Variants in CROCC observed in about 807,000 individuals in gnomAD.
CROCC encodes rootletin.
Under a neutral mutation model 245.2 loss-of-function variants are expected in CROCC, and 180 were observed. The observed-to-expected ratio is 0.73, with a 90% CI of 0.65 to 0.83. The LOEUF (loss-of-function observed/expected upper bound fraction) is 0.83, where lower values mean the gene tolerates loss of function less well. Ranked by LOEUF, CROCC falls within the 40% of genes least tolerant of loss-of-function variation. The probability of loss-of-function intolerance (pLI) is 0.00; values close to 1 mark genes in which losing one functional copy is unlikely to be tolerated. For synonymous variants in CROCC, 1,205 were observed against 1,241.6 expected (o/e 0.97, Z 0.62); for missense variants, 2,688 against 2,779.4 (o/e 0.97, Z 0.74).
rs757438101 is a variant in CROCC at position 16,939,028 on chromosome 1, C to G, written c.1494C>G (p.Arg498=). Residue 498 remains arginine, a synonymous_variant, in exon 12 of 37, where the codon CGC becomes CGG. Transcript: ENST00000375541. ...SGQRTPSPPR[R]SSPGRGRSPR... is the part of the protein sequence containing the mutation. Reference sequence around the variant, plus strand: ...AGCGGACCCCGTCCCCACCGCGGCGCTCCTCGCCCGGCCGAGGCCGTTCAC... The same window carrying G: ...AGCGGACCCCGTCCCCACCGCGGCGGTCCTCGCCCGGCCGAGGCCGTTCAC... 1 of 1,597,692 alleles carries G rather than the reference C, an allele frequency of 6.3e-7. No homozygotes were observed. Among genetic ancestry groups the G allele is most frequent in the Non-Finnish European group, 8.5e-7 (1 of 1,174,810 alleles).
At position 16,930,115 on chromosome 1, in the gene CROCC, C is replaced by A. The variant is rs370828942; in HGVS notation, c.538-9C>A. On this transcript the variant is annotated splice_polypyrimidine_tract_variant and intron_variant, in intron 4 of 36. Coordinates refer to ENST00000375541, the MANE Select transcript of CROCC (RefSeq NM_014675.5). ...CCCCTGGGGCTCACCATCAGCTCCC[C>A]ATCCCCAGATTCTCCAGTACAAGAA... is the stretch of plus-strand genomic sequence containing the variant. 1.6e-4 allele frequency: 251 copies of A among 1,587,430 alleles called. No homozygotes were observed. Among genetic ancestry groups the A allele is most frequent in the East Asian group, 4.3e-4 (19 of 43,874 alleles).
chr1:16,954,913 C>G lies in CROCC; in HGVS notation c.3465+36C>G. 6.7e-7 allele frequency: 1 copy of G among 1,484,644 alleles called. No homozygotes were observed. The highest frequency in any genetic ancestry group is 9.0e-7 in the Non-Finnish European group (1 of 1,108,632). The allele number at this position is 1,484,644 out of a possible 1,614,324, so 92.0% of individuals were successfully genotyped here. ...GCCCCCCTCTTCCAAGCAGCATACCCTAAATGGCACTGTGTGCCTGGGGGC... is the reference window on the plus strand; with the variant it reads ...GCCCCCCTCTTCCAAGCAGCATACCGTAAATGGCACTGTGTGCCTGGGGGC... On this transcript the variant is annotated intron_variant, in intron 23 of 36. Transcript: ENST00000375541. The surrounding 1 kb of genome is among the most constrained non-coding windows in gnomAD (Gnocchi z 4.4).
chr1:16,965,811 C>T lies in CROCC; in HGVS notation c.4494C>T (p.Ala1498=), dbSNP rs1317692858. The T allele has an allele frequency of 1.2e-6, 2 of 1,613,852 alleles. No individual in the cohort carries two copies. Among genetic ancestry groups the T allele is most frequent in the South Asian group, 2.2e-5 (2 of 91,088 alleles). The change falls in exon 28 of 37, where the codon GCC becomes GCT. Residue 1498 remains alanine (A), a synonymous_variant. Coordinates refer to ENST00000375541, the MANE Select transcript of CROCC (RefSeq NM_014675.5). ...CTCCAGGACCTGCCACCTCCCCAGC[C>T]TCTCCAGACCTGGACCCGGAGGCAG... The part of the protein sequence containing the change: ...PPSPGPATSP[A]SPDLDPEAVR...
At chr1:16,924,688 C>T (rs1337969202) in intron 3 of CROCC, among the ~76,000 whole-genome samples, 1 of 152,244 alleles carries the variant, frequency 6.6e-6, no homozygotes, top group Non-Finnish European at 1.5e-5. Context: ...TGTAATGGGA[C>T]GTGGAATTGT....
chr1:16,935,272 G>C (rs1454611857), intron 8 of CROCC, among the ~76,000 whole-genome samples: 1 of 152,202 alleles, frequency 6.6e-6, no homozygotes, highest in Non-Finnish European at 1.5e-5. Flanking sequence ...CACACACAGA[G>C]ACACACAGAC....
At chr1:16,934,492 A>T (rs1376561945) in intron 8 of CROCC, among the ~76,000 whole-genome samples, 1 of 152,218 alleles carries the variant, frequency 6.6e-6, no homozygotes, top group Non-Finnish European at 1.5e-5. Context: ...TTTTAGAGAC[A>T]GGGTCTTGCC....
chr1:16,932,546 GGTCAGAAAAACCACTTTGTGGAGATGGAA>G, intron 8 of CROCC, among the ~76,000 whole-genome samples: 1 of 152,258 alleles, frequency 6.6e-6, no homozygotes, highest in African/African-American at 2.4e-5. Context: ...GGGGTGGGGA[GGTCAGAAAAACCACTTTGTGGAGATGGAA>G]TTTGCACAGA....
In CROCC at chr1:16,954,360, AG is replaced by A; in HGVS notation, c.3321+6del. 1 of 1,609,272 alleles carries A rather than the reference AG, an allele frequency of 6.2e-7. No homozygotes were observed. ...AGAGCCGGCAGGAGCAGGACCGGGTAGGGCAGGCTGGGCAGCTGGGCCTCTG... is the reference window on the plus strand; with the variant it reads ...AGAGCCGGCAGGAGCAGGACCGGGTAGGCAGGCTGGGCAGCTGGGCCTCTG... On this transcript the variant is annotated splice_donor_region_variant and intron_variant, in intron 22 of 36. Coordinates refer to ENST00000375541, the MANE Select transcript of CROCC (RefSeq NM_014675.5). This position sits in a 1 kb window ranked among gnomAD's most constrained non-coding sequence, Gnocchi z 4.4.
chr1:16,966,619 C>T lies in CROCC; in HGVS notation c.4860+48C>T, dbSNP rs997284318. On this transcript the variant is annotated intron_variant, in intron 30 of 36. Transcript: ENST00000375541. The surrounding 1 kb of genome is among the most constrained non-coding windows in gnomAD (Gnocchi z 4.8). ...CGGGGCGACGGGGAATCTGTGTACC[C>T]GAGTGAGTGTCTAACTCTTATGTGT... 4.2e-6 allele frequency: 6 copies of T among 1,439,482 alleles called. No individual in the cohort carries two copies. Among genetic ancestry groups the T allele is most frequent in the African/African-American group, 2.9e-5 (2 of 69,520 alleles). The allele number at this position is 1,439,482 out of a possible 1,614,324, so 89.2% of individuals were successfully genotyped here.
intron 8 of CROCC, 58 bp from the exon 9 acceptor site, chr1:16,936,579 T>A: frequency 6.8e-7 from 1 of 1,476,448 alleles, no homozygotes; most frequent in Non-Finnish European, 9.1e-7. Context: ...CAAGCATAGT[T>A]TTAATTTGTA....
chr1:16,940,541 C>A (rs1429825621), intron 13 of CROCC, among the ~76,000 whole-genome samples: 2 of 152,240 alleles, frequency 1.3e-5, no homozygotes, highest in East Asian at 3.8e-4. Flanking sequence ...TGCCCACCAC[C>A]ACGCCCGGCT....
At chr1:16,935,704 G>A (rs2075772954) in intron 8 of CROCC, among the ~76,000 whole-genome samples, 1 of 152,402 alleles carries the variant, frequency 6.6e-6, no homozygotes, top group South Asian at 2.1e-4. Context: ...GATTACAGGC[G>A]TGAGCCACCA....
rs57581056 is a variant in CROCC at position 16,940,113 on chromosome 1, TG to T, written c.1808+26del. 0.063 allele frequency: 98,571 copies of T among 1,559,064 alleles called. 5 individuals are homozygous for T. Among genetic ancestry groups the T allele is most frequent in the Admixed American group, 0.078 (4,259 of 54,364 alleles). On this transcript the variant is annotated intron_variant, in intron 13 of 36. Transcript: ENST00000375541. Reference sequence around the variant, plus strand: ...GAGCAGGTGCCGGGGAGGTCTGAGCTGGGGGGTACTGAAGAATAAGTCACCG... The same window carrying T: ...GAGCAGGTGCCGGGGAGGTCTGAGCTGGGGGTACTGAAGAATAAGTCACCG...
At chr1:16,959,882 C>T (rs2076301532) in intron 26 of CROCC, among the ~76,000 whole-genome samples, 1 of 151,982 alleles carries the variant, frequency 6.6e-6, no homozygotes, top group Non-Finnish European at 1.5e-5. Flanking sequence ...TGGTATGCCT[C>T]CCCGCCTTTC....
At chr1:16,961,638 C>A (rs754745414) in intron 27 of CROCC, among the ~76,000 whole-genome samples, 1 of 152,168 alleles carries the variant, frequency 6.6e-6, no homozygotes, top group African/African-American at 2.4e-5. Context: ...GGATCTCACT[C>A]TGTCACCTCA....
chr1:16,952,689 G>T (rs1441381295), intron 20 of CROCC, among the ~76,000 whole-genome samples: 1 of 152,064 alleles, frequency 6.6e-6, no homozygotes, highest in Non-Finnish European at 1.5e-5. Context: ...GCCTGGCTTG[G>T]CCTCATTAAT....
At chr1:16,927,520 AC>A (rs1236869001) in intron 3 of CROCC, among the ~76,000 whole-genome samples, 1 of 152,164 alleles carries the variant, frequency 6.6e-6, no homozygotes, top group Admixed American at 6.6e-5. Context: ...CAGGCCCAAC[AC>A]CCGCGCCACA....
intron 13 of CROCC, among the ~76,000 whole-genome samples, chr1:16,942,180 T>C (rs2100436376): frequency 6.6e-6 from 1 of 152,366 alleles, no homozygotes; most frequent in South Asian, 2.1e-4. Flanking sequence ...CTGCCTAATT[T>C]TTCTGTTTTT....
chr1:16,972,430 G>GC lies in CROCC; in HGVS notation c.6044dup (p.Glu2016ArgfsTer76), dbSNP rs777750199. On this transcript the variant is annotated frameshift_variant, in exon 37 of 37. Coordinates refer to ENST00000375541, the MANE Select transcript of CROCC (RefSeq NM_014675.5). LOFTEE classifies it high-confidence loss of function. ...TCAGCACCCTTCTCCCCACCCTCCG[G>GC]CCCCCCAGAGAAATGAGCTCCTGCT... 2 of 1,612,214 alleles carry GC rather than the reference G, an allele frequency of 1.2e-6. No homozygotes were observed. Among genetic ancestry groups the GC allele is most frequent in the Non-Finnish European group, 8.5e-7 (1 of 1,179,162 alleles).
Sources: gnomAD v4.1 joint callset for allele counts (sites outside exome capture counted in the v4.1 genomes callset) on GRCh38, gnomAD v4.1.1 for gene constraint, Gnocchi (gnomAD v3.1) non-coding constraint, MANE v1.5 for transcripts, NCBI Gene and HGNC (gene_info 2026-07-23, HGNC 2026-07-21) for gene names.